Variants in DLGAP5 observed in about 807,000 individuals in gnomAD.
DLGAP5 encodes disks large-associated protein 5.
A neutral mutation model predicts 99.6 loss-of-function variants in DLGAP5; 90 were observed. The observed-to-expected ratio is 0.90, with a 90% CI of 0.76 to 1.08. The LOEUF (loss-of-function observed/expected upper bound fraction) is 1.08. Among genes scored for constraint, DLGAP5 ranks in the 50% least tolerant of loss-of-function variants. The pLI is 0.00. For missense variants in DLGAP5, 1,036 were observed against 983.5 expected (o/e 1.05, Z -0.71); for synonymous variants, 311 against 321.3 (o/e 0.97, Z 0.34).
intron 15 of DLGAP5, among the ~76,000 whole-genome samples, chr14:55,153,917 G>T (rs1242813310): frequency 6.6e-6 from 1 of 152,010 alleles, no homozygotes. Context: ...TTAGCTGGGC[G>T]TGGTGGCGCG....
chr14:55,169,601 G>A (rs377432529), intron 11 of DLGAP5, 42 bp from the exon 12 acceptor site: 89 of 1,477,116 alleles, frequency 6.0e-5, no homozygotes, highest in Admixed American at 7.4e-5. Context: ...AGGACAAAAC[G>A]GGACATTCAT....
At chr14:55,152,499 A>C (rs757215769) in intron 16 of DLGAP5, 91 bp downstream of exon 16, 30 of 979,032 alleles carry the variant, frequency 3.1e-5, no homozygotes, top group Non-Finnish European at 4.3e-5. Flanking sequence ...TTTCCAACGG[A>C]AATTCTGGGG....
chr14:55,148,381 A>C lies in DLGAP5; in HGVS notation c.2511T>G (p.Thr837=). The stretch of plus-strand genomic sequence containing the variant: ...ATTCTCCTGGTTGTAGAGGTGAAAA[A>C]GTAATCAGGTTACCACCAAAAGAAA... The part of the protein sequence containing the change: ...RHISFGGNLI[T]FSPLQPGEF Residue 837 remains threonine, a synonymous_variant, in exon 19 of 19, where the codon ACT becomes ACG. Transcript: ENST00000247191. 1 of 1,614,042 alleles carries C rather than the reference A, an allele frequency of 6.2e-7. No homozygotes were observed. The highest frequency in any genetic ancestry group is 2.2e-5 in the East Asian group (1 of 44,850).
In DLGAP5 at chr14:55,184,903, T is replaced by C. The variant is rs572179427; in HGVS notation, c.239-1150A>G. The stretch of plus-strand genomic sequence containing the variant: ...AAGTTCCTGACCCACAAAAATTGTA[T>C]GAAATAATCAATATTTATTGTTTTA... On this transcript the variant is annotated intron_variant, in intron 2 of 18. Coordinates refer to ENST00000247191, the MANE Select transcript of DLGAP5 (RefSeq NM_014750.5). 1.1e-4 allele frequency among the ~76,000 whole-genome samples: 16 copies of C among 152,344 alleles called. No homozygotes were observed. The East Asian group carries it at 2.9e-3, about 28-fold the overall frequency.
rs745859773 is a variant in DLGAP5 at position 55,169,392 on chromosome 14, C to T, written c.1548+7G>A. The T allele has an allele frequency of 2.5e-5, 36 of 1,454,644 alleles. No homozygotes were observed. The highest frequency in any genetic ancestry group is 3.2e-5 in the Non-Finnish European group (35 of 1,100,490). The allele number at this position is 1,454,644 out of a possible 1,614,324, so 90.1% of individuals were successfully genotyped here. On this transcript the variant is annotated splice_region_variant and intron_variant, in intron 12 of 18. Coordinates refer to ENST00000247191, the MANE Select transcript of DLGAP5 (RefSeq NM_014750.5). ...AGTTAATATATTTGAAATATTGAAC[C>T]ACATACCTGAAAACTAACCATATCC... is the stretch of plus-strand genomic sequence containing the variant.
At chr14:55,167,355 T>C (rs551121267) in intron 12 of DLGAP5, among the ~76,000 whole-genome samples, 2 of 151,938 alleles carry the variant, frequency 1.3e-5, no homozygotes, top group Admixed American at 6.6e-5. Context: ...ACAATCAGAA[T>C]TGAAGGGTGC....
chr14:55,154,460 T>G (rs891894906), intron 15 of DLGAP5, among the ~76,000 whole-genome samples, 157 bp downstream of exon 15: 2 of 152,228 alleles, frequency 1.3e-5, no homozygotes, highest in African/African-American at 4.8e-5. Context: ...AAGCTTTAGT[T>G]TCCTCATTTA....
At position 55,149,268 on chromosome 14, in the gene DLGAP5, G is replaced by T. The variant is rs116086274; in HGVS notation, c.2419-795C>A. Among the ~76,000 whole-genome samples, 1,323 of 152,242 alleles carry T rather than the reference G, an allele frequency of 8.7e-3. 20 individuals are homozygous for T. The highest frequency in any genetic ancestry group is 0.029 in the African/African-American group (1,217 of 41,530). On this transcript the variant is annotated intron_variant, in intron 18 of 18. Coordinates refer to ENST00000247191, the MANE Select transcript of DLGAP5 (RefSeq NM_014750.5). ...ATCAATCATTCAGGGTTCGATCTGG[G>T]AACAGGGTTAAATCAGGTTTACATA...
At chr14:55,165,074 T>C (rs1022790298) in intron 12 of DLGAP5, among the ~76,000 whole-genome samples, 2 of 152,064 alleles carry the variant, frequency 1.3e-5, no homozygotes, top group Admixed American at 6.5e-5. Flanking sequence ...TTATCCAGAA[T>C]ACATAAAGAA....
intron 13 of DLGAP5, among the ~76,000 whole-genome samples, chr14:55,160,164 CT>C (rs1314440443): frequency 6.6e-6 from 1 of 151,996 alleles, no homozygotes; most frequent in East Asian, 1.9e-4. Flanking sequence ...GATTGTGCCA[CT>C]GCACTCCAGC....
chr14:55,186,257 G>A lies in DLGAP5; in HGVS notation c.239-2504C>T, dbSNP rs60486204. 5.4e-3 allele frequency among the ~76,000 whole-genome samples: 826 copies of A among 152,170 alleles called. 9 individuals carry two copies. The highest frequency in any genetic ancestry group is 0.018 in the African/African-American group (743 of 41,534). On this transcript the variant is annotated intron_variant, in intron 2 of 18. Transcript: ENST00000247191. Reference sequence around the variant, plus strand: ...TTGCACTCCAGCCTGGGCAAGAAGAGCAAAACTCCGTCTCAAAAAATAAAA... The same window carrying A: ...TTGCACTCCAGCCTGGGCAAGAAGAACAAAACTCCGTCTCAAAAAATAAAA...
chr14:55,173,090 A>G (rs1349473941), intron 10 of DLGAP5, among the ~76,000 whole-genome samples: 2 of 151,926 alleles, frequency 1.3e-5, no homozygotes, highest in African/African-American at 2.4e-5. Flanking sequence ...GAATGACACA[A>G]TGGATTAGCT....
At chr14:55,160,081 G>A (rs1329471632) in intron 13 of DLGAP5, among the ~76,000 whole-genome samples, 1 of 152,140 alleles carries the variant, frequency 6.6e-6, no homozygotes, top group Non-Finnish European at 1.5e-5. Context: ...GCACATGCCT[G>A]TAGTCCCAGC....
chr14:55,151,555 TA>T, intron 17 of DLGAP5, 139 bp downstream of exon 17: 1 of 928,012 alleles, frequency 1.1e-6, no homozygotes, highest in Non-Finnish European at 1.5e-6. Context: ...GGAATTGTTC[TA>T]ATTCAGGGTC....
At chr14:55,187,909 T>C (rs980765020) in intron 2 of DLGAP5, among the ~76,000 whole-genome samples, 3 of 152,236 alleles carry the variant, frequency 2.0e-5, no homozygotes. Flanking sequence ...TCTATCTCCC[T>C]TGCTCATTCT....
At chr14:55,152,334 G>A (rs1009475661) in intron 16 of DLGAP5, among the ~76,000 whole-genome samples, 12 of 152,200 alleles carry the variant, frequency 7.9e-5, no homozygotes, top group African/African-American at 2.7e-4. Flanking sequence ...AATATGATTT[G>A]TAAAAATAGG....
intron 10 of DLGAP5, among the ~76,000 whole-genome samples, chr14:55,174,971 G>A (rs902328883): frequency 6.6e-5 from 10 of 152,164 alleles, no homozygotes; most frequent in Admixed American, 5.2e-4. Flanking sequence ...TTACAGGCGT[G>A]AGCCACCGCG....
chr14:55,152,493 C>T, intron 16 of DLGAP5, 97 bp downstream of exon 16: 1 of 913,430 alleles, frequency 1.1e-6, no homozygotes. Context: ...TTTAGATTTC[C>T]AACGGAAATT....
At chr14:55,173,927 A>C (rs1882962502) in intron 10 of DLGAP5, among the ~76,000 whole-genome samples, 1 of 152,170 alleles carries the variant, frequency 6.6e-6, no homozygotes, top group Admixed American at 6.5e-5. Flanking sequence ...AACTGCACAA[A>C]TTGTACAGCA....
Sources: gnomAD v4.1 joint callset for allele counts (sites outside exome capture counted in the v4.1 genomes callset) on GRCh38, gnomAD v4.1.1 for gene constraint, MANE v1.5 for transcripts, NCBI Gene and HGNC (gene_info 2026-07-23, HGNC 2026-07-21) for gene names.